SATL1: variants seen among roughly 807,000 people sequenced by gnomAD.
SATL1 encodes the protein spermidine/spermine N1-acetyl transferase like 1.
Under a neutral mutation model 51.8 loss-of-function variants are expected in SATL1, and 47 were observed. The observed-to-expected ratio is 0.91, with a 90% confidence interval of 0.72 to 1.16. The LOEUF is 1.16. SATL1 is among the 50% of genes most tolerant of loss of function. The pLI is 0.00. For synonymous variants in SATL1, 176 were observed against 182.4 expected (o/e 0.97, Z 0.28); for missense variants, 520 against 526.4 (o/e 0.99, Z 0.12).
chrX:85,114,496 T>G (rs1205314457), intron 2 of SATL1, among the ~76,000 whole-genome samples: 1 of 111,584 alleles, frequency 9.0e-6, no homozygotes, highest in Non-Finnish European at 1.9e-5. Flanking sequence ...GAGCAACCGT[T>G]AAAGTTCTAT....
chrX:85,143,743 G>A (rs1926163345), intron 2 of SATL1, among the ~76,000 whole-genome samples: 1 of 110,939 alleles, frequency 9.0e-6, no homozygotes, highest in South Asian at 3.8e-4. Context: ...GTTTGTCTCT[G>A]ATCTCTGAGA....
At chrX:85,212,423 G>A (rs918216726) in intron 2 of SATL1, among the ~76,000 whole-genome samples, 3 of 111,498 alleles carry the variant, frequency 2.7e-5, no homozygotes, top group African/African-American at 9.7e-5. Flanking sequence ...AAAGAACACA[G>A]AAAATATTCC....
intron 2 of SATL1, among the ~76,000 whole-genome samples, chrX:85,147,483 T>G (rs1193975212): frequency 9.6e-6 from 1 of 103,962 alleles, no homozygotes; most frequent in Non-Finnish European, 2.0e-5. Context: ...TCTCCCAGCA[T>G]GCAGCTGGAG....
chrX:85,160,085 C>T (rs912426319), intron 2 of SATL1, among the ~76,000 whole-genome samples: 14 of 110,851 alleles, frequency 1.3e-4, no homozygotes, highest in African/African-American at 4.6e-4. Context: ...GCCTTGGCCC[C>T]TTACAATCTT....
At chrX:85,094,257 A>G in intron 5 of SATL1, 28 bp from the exon 6 acceptor site, 2 of 900,324 alleles carry the variant, frequency 2.2e-6, no homozygotes, top group Non-Finnish European at 3.2e-6. Context: ...AGGGTGTAGA[A>G]AGGTTGGTTG....
rs780111713 is a variant in SATL1 at position 85,109,001 on chromosome X, T to G, written c.-33A>C. 27 of 1,150,347 alleles carry G rather than the reference T, an allele frequency of 2.3e-5. No homozygotes were observed. The highest frequency in any genetic ancestry group is 3.0e-5 in the Non-Finnish European group (26 of 856,664). 94.8% of individuals were successfully genotyped at this position (1,150,347 alleles called of 1,213,427 possible). ...TGATTCCTGCTTTGTTGACTAAGGA[T>G]GGGGTGGCAGATGATGGGTTGGCAG... On this transcript the variant is annotated 5_prime_UTR_variant, in exon 3 of 8. Transcript: ENST00000644105.
intron 4 of SATL1, among the ~76,000 whole-genome samples, chrX:85,100,099 G>A (rs1474690019): frequency 1.8e-5 from 2 of 112,047 alleles, no homozygotes; most frequent in Non-Finnish European, 3.8e-5. Context: ...CCAGCTACTC[G>A]GGAGGCAGAG....
At chrX:85,125,947 C>T (rs1174424697) in intron 2 of SATL1, among the ~76,000 whole-genome samples, 4 of 110,514 alleles carry the variant, frequency 3.6e-5, no homozygotes, top group African/African-American at 9.9e-5. Context: ...TTATGCTTTA[C>T]TCATTGTAAT....
intron 2 of SATL1, chrX:85,143,633 G>A (rs952380428): frequency 2.7e-5 from 3 of 111,447 alleles, no homozygotes; most frequent in East Asian, 2.8e-4. Flanking sequence ...ACAAGCAAAG[G>A]TTCTGTTGTT....
chrX:85,132,948 C>T (rs868313145), intron 2 of SATL1, among the ~76,000 whole-genome samples: 2 of 111,977 alleles, frequency 1.8e-5, no homozygotes, highest in Non-Finnish European at 3.8e-5. Context: ...TGGAGGTCCA[C>T]TCCAGACCCT....
intron 2 of SATL1, among the ~76,000 whole-genome samples, chrX:85,203,782 G>A (rs1335081552): frequency 8.9e-6 from 1 of 112,595 alleles, no homozygotes; most frequent in Non-Finnish European, 1.9e-5. Context: ...CTTTCCACGG[G>A]AGCTCCTTCT....
At chrX:85,215,723 T>G (rs1928029188) in intron 2 of SATL1, among the ~76,000 whole-genome samples, 1 of 112,455 alleles carries the variant, frequency 8.9e-6, no homozygotes, top group African/African-American at 3.2e-5. Flanking sequence ...AAGTTGCTCA[T>G]TTCCATTTGA....
At chrX:85,168,888 G>A (rs951799009) in intron 2 of SATL1, among the ~76,000 whole-genome samples, 8 of 111,861 alleles carry the variant, frequency 7.2e-5, no homozygotes, top group African/African-American at 2.6e-4. Context: ...CAGGGCTACA[G>A]TAACCGAAAC....
chrX:85,139,594 G>T (rs1299729329), intron 2 of SATL1, among the ~76,000 whole-genome samples: 1 of 111,065 alleles, frequency 9.0e-6, no homozygotes, highest in South Asian at 3.8e-4. Flanking sequence ...TAATGTCAAG[G>T]TTCACTGAGC....
chrX:85,093,479 C>T (rs989349596), intron 6 of SATL1, among the ~76,000 whole-genome samples: 5 of 111,870 alleles, frequency 4.5e-5, no homozygotes, highest in Admixed American at 3.8e-4. Flanking sequence ...TGTCTTATAA[C>T]GGTATATTTC....
At chrX:85,145,936 G>A (rs192769923) in intron 2 of SATL1, among the ~76,000 whole-genome samples, 16 of 102,005 alleles carry the variant, frequency 1.6e-4, no homozygotes, top group Middle Eastern at 5.6e-3. Flanking sequence ...TCGCTCTGTC[G>A]CCTGGGCTGG....
intron 2 of SATL1, among the ~76,000 whole-genome samples, chrX:85,218,652 ATTTAATTTTGTG>A (rs969670530): frequency 5.3e-5 from 6 of 112,155 alleles, no homozygotes; most frequent in Non-Finnish European, 1.1e-4. Flanking sequence ...AAAGCAACAA[ATTTAATTTTGTG>A]TTAGTACAGT....
At chrX:85,129,210 G>A (rs1364697497) in intron 2 of SATL1, among the ~76,000 whole-genome samples, 1 of 111,750 alleles carries the variant, frequency 8.9e-6, no homozygotes, top group Admixed American at 9.5e-5. Context: ...TGATGGGGAT[G>A]GCATTGAATC....
intron 2 of SATL1, among the ~76,000 whole-genome samples, chrX:85,212,318 G>GA (rs909738154): frequency 9.0e-6 from 1 of 111,482 alleles, no homozygotes; most frequent in Non-Finnish European, 1.9e-5. Flanking sequence ...CATTTCCTGA[G>GA]AAAAAAGTCA....
Sources: allele counts gnomAD v4.1 joint callset (sites outside exome capture counted in the v4.1 genomes callset), GRCh38; gene constraint gnomAD v4.1.1; transcripts MANE v1.5; gene names NCBI Gene and HGNC (gene_info 2026-07-23, HGNC 2026-07-21).